FBN2: variants seen among roughly 807,000 people sequenced by gnomAD.
The protein encoded by FBN2 is fibrillin-2.
In FBN2, 105 loss-of-function variants were observed where a neutral mutation model predicts 355.6. The ratio of observed to expected loss-of-function variants is 0.30; its 90% CI spans 0.25 to 0.35. The LOEUF (loss-of-function observed/expected upper bound fraction) is 0.35, where lower values mean the gene tolerates loss of function less well. FBN2 is among the 10% of genes least tolerant of loss of function. The probability of loss-of-function intolerance (pLI) is 1.00; values close to 1 mark genes in which losing one functional copy is unlikely to be tolerated. For missense variants in FBN2, 3,280 were observed against 3,758.7 expected (o/e 0.87, Z 3.33); for synonymous variants, 1,350 against 1,301.2 (o/e 1.04, Z -0.81).
chr5:128,377,020 C>T (rs1007992351), intron 13 of FBN2, among the ~76,000 whole-genome samples, 167 bp from the exon 14 acceptor site: 2 of 151,876 alleles, frequency 1.3e-5, no homozygotes, highest in Admixed American at 6.6e-5. Flanking sequence ...AAAAATAGTG[C>T]GGAGAGTGGA....
chr5:128,300,072 T>C (rs1749672162), intron 48 of FBN2, among the ~76,000 whole-genome samples: 1 of 152,220 alleles, frequency 6.6e-6, no homozygotes, highest in African/African-American at 2.4e-5. Context: ...ATATGAACAG[T>C]AGAATGACAT....
intron 7 of FBN2, among the ~76,000 whole-genome samples, chr5:128,421,576 G>T (rs1753351134): frequency 6.6e-6 from 1 of 152,168 alleles, no homozygotes; most frequent in Admixed American, 6.5e-5. Flanking sequence ...TTTGCAAGGT[G>T]ATTGGAATCT....
intron 12 of FBN2, among the ~76,000 whole-genome samples, chr5:128,378,178 T>C (rs1361062096): frequency 6.6e-6 from 1 of 152,020 alleles, no homozygotes; most frequent in Non-Finnish European, 1.5e-5. Flanking sequence ...GATGAAGGCC[T>C]TAAAAGTCAG....
intron 20 of FBN2, among the ~76,000 whole-genome samples, chr5:128,353,968 C>T (rs1033115100): frequency 1.3e-5 from 2 of 152,102 alleles, no homozygotes; most frequent in African/African-American, 2.4e-5. Context: ...TCTCTCTCTC[C>T]GATTCCTTTC....
intron 5 of FBN2, among the ~76,000 whole-genome samples, chr5:128,486,001 A>G (rs1258816525): frequency 6.6e-6 from 1 of 152,210 alleles, no homozygotes; most frequent in Non-Finnish European, 1.5e-5. Context: ...GACTAAATCA[A>G]ACTTATCATT....
At chr5:128,400,616 C>A (rs1249388756) in intron 8 of FBN2, among the ~76,000 whole-genome samples, 2 of 152,068 alleles carry the variant, frequency 1.3e-5, no homozygotes, top group African/African-American at 2.4e-5. Flanking sequence ...ATTTGTTAAA[C>A]CATGAAGCAA....
At chr5:128,516,453 C>T (rs1334445873) in intron 5 of FBN2, among the ~76,000 whole-genome samples, 5 of 150,902 alleles carry the variant, frequency 3.3e-5, no homozygotes, top group African/African-American at 1.2e-4. Context: ...CAAAGAAGTT[C>T]AGGTTACCCA....
At chr5:128,361,669 A>G in intron 19 of FBN2, 54 bp downstream of exon 19, 4 of 1,597,210 alleles carry the variant, frequency 2.5e-6, no homozygotes, top group Non-Finnish European at 2.6e-6. Flanking sequence ...ATTGATGTTT[A>G]TACAACTCCA....
At position 128,537,508 on chromosome 5, in the gene FBN2, A is replaced by G. The variant is rs1409306324; in HGVS notation, c.96T>C (p.Pro32=). The G allele has an allele frequency of 6.3e-7, 1 of 1,577,642 alleles. No homozygotes were observed. The part of the protein sequence containing the change: ...WAQGTAGQPQ[P]PPPKPPRPQP... ...GGGGCCGGGGCGGCTTGGGCGGAGG[A>G]GGCTGAGGCTGGCCGGCCGTGCCCT... The change falls in exon 1 of 65, where the codon CCT becomes CCC. Residue 32 remains proline (P), a synonymous_variant. Coordinates refer to ENST00000262464, the MANE Select transcript of FBN2 (RefSeq NM_001999.4).
intron 8 of FBN2, 56 bp downstream of exon 8, chr5:128,408,618 G>T: frequency 6.2e-7 from 1 of 1,604,944 alleles, no homozygotes. Context: ...ACCTGTTTGG[G>T]CTGTTTTGTC....
chr5:128,452,311 A>T (rs1345743262), intron 6 of FBN2, among the ~76,000 whole-genome samples: 1 of 152,208 alleles, frequency 6.6e-6, no homozygotes, highest in African/African-American at 2.4e-5. Flanking sequence ...ATTTTGAATT[A>T]TTCCAAATCA....
At chr5:128,519,049 C>T (rs188475665) in intron 5 of FBN2, among the ~76,000 whole-genome samples, 4 of 152,214 alleles carry the variant, frequency 2.6e-5, no homozygotes, top group African/African-American at 9.6e-5. Flanking sequence ...AGAGCCATAG[C>T]CCCAGAGTTG....
intron 5 of FBN2, among the ~76,000 whole-genome samples, chr5:128,483,477 T>C (rs1289464391): frequency 6.6e-6 from 1 of 151,974 alleles, no homozygotes; most frequent in African/African-American, 2.4e-5. Flanking sequence ...CAGACAGCCT[T>C]TTGGAAAACT....
intron 11 of FBN2, among the ~76,000 whole-genome samples, chr5:128,381,136 C>A (rs567163676): frequency 3.2e-4 from 48 of 152,038 alleles, no homozygotes; most frequent in Non-Finnish European, 5.6e-4. Flanking sequence ...TTATTTTTTA[C>A]TACTCCAAAA....
At chr5:128,286,611 A>C in intron 55 of FBN2, 107 bp downstream of exon 55, 2 of 1,335,264 alleles carry the variant, frequency 1.5e-6, no homozygotes, top group South Asian at 2.4e-5. Flanking sequence ...GCCTTAACAC[A>C]GCTGGAAAAA....
At chr5:128,439,294 G>A (rs1753854553) in intron 7 of FBN2, among the ~76,000 whole-genome samples, 1 of 152,112 alleles carries the variant, frequency 6.6e-6, no homozygotes, top group African/African-American at 2.4e-5. Flanking sequence ...ATGGATATTT[G>A]TAATTTTGAT....
intron 25 of FBN2, among the ~76,000 whole-genome samples, chr5:128,343,802 T>C (rs184335987): frequency 1.7e-4 from 26 of 152,374 alleles, no homozygotes; most frequent in Admixed American, 1.4e-3. Context: ...ATTTCTTTAG[T>C]AGTCATATAT....
chr5:128,460,563 A>G (rs1230636112), intron 6 of FBN2, among the ~76,000 whole-genome samples: 1 of 152,296 alleles, frequency 6.6e-6, no homozygotes, highest in African/African-American at 2.4e-5. Flanking sequence ...AATCCTAAGC[A>G]AAAAGAACAA....
chr5:128,412,190 T>C (rs4145849), intron 7 of FBN2, among the ~76,000 whole-genome samples: 19,004 of 152,242 alleles, frequency 0.12, 2,128 homozygotes, highest in East Asian at 0.69. Context: ...TTAATAGCTG[T>C]CATATCTGAA....
Sources: gnomAD v4.1 joint callset for allele counts (sites outside exome capture counted in the v4.1 genomes callset) on GRCh38, gnomAD v4.1.1 for gene constraint, MANE v1.5 for transcripts, NCBI Gene and HGNC (gene_info 2026-07-23, HGNC 2026-07-21) for gene names.